The following POMT2 variants were observed in gnomAD, a reference collection of about 807,000 sequenced individuals.
POMT2 encodes protein O-mannosyl-transferase 2.
A neutral mutation model predicts 100.0 loss-of-function variants in POMT2; 75 were observed. The observed-to-expected ratio is 0.75, with a 90% CI of 0.62 to 0.91. The LOEUF (loss-of-function observed/expected upper bound fraction) is 0.91, where lower values mean the gene tolerates loss of function less well. Among genes scored for constraint, POMT2 ranks in the 40% least tolerant of loss-of-function variants. The probability of loss-of-function intolerance (pLI) is 0.00; values close to 1 mark genes in which losing one functional copy is unlikely to be tolerated. For synonymous variants in POMT2, 378 were observed against 374.1 expected (o/e 1.01, Z -0.12); for missense variants, 940 against 955.1 (o/e 0.98, Z 0.21).
At chr14:77,310,553 G>A (rs1891401452) in intron 2 of POMT2, among the ~76,000 whole-genome samples, 1 of 152,004 alleles carries the variant, frequency 6.6e-6, no homozygotes, top group Non-Finnish European at 1.5e-5. Context: ...GTTCTACCTC[G>A]CTTCCCATCC....
chr14:77,302,788 G>C, intron 5 of POMT2, 47 bp downstream of exon 5: 1 of 1,526,874 alleles, frequency 6.5e-7, no homozygotes, highest in Non-Finnish European at 9.0e-7. Context: ...AAATTTTGGA[G>C]TTGCCACAGC....
In POMT2 at chr14:77,312,273, T is replaced by C. The variant is rs143480280; in HGVS notation, c.249-240A>G. 213 of 491,518 alleles carry C rather than the reference T, an allele frequency of 4.3e-4. 1 individual carries two copies. The highest frequency in any genetic ancestry group is 3.3e-3 in the African/African-American group (171 of 51,096). The allele number at this position is 491,518 out of a possible 1,614,324, so 30.4% of individuals were successfully genotyped here. ...CAAATATTCACTAGCCAGTTACCAA[T>C]TGAGTTAAATATACATATACTTACT... is the stretch of plus-strand genomic sequence containing the variant. On this transcript the variant is annotated intron_variant, in intron 1 of 20. Coordinates refer to ENST00000261534, the MANE Select transcript of POMT2 (RefSeq NM_013382.7).
At chr14:77,304,467 T>A (rs1256025960) in intron 4 of POMT2, among the ~76,000 whole-genome samples, 1 of 152,224 alleles carries the variant, frequency 6.6e-6, no homozygotes, top group Non-Finnish European at 1.5e-5. Context: ...TCCTTGGGAT[T>A]ACCCACGCCG....
chr14:77,278,053 C>T (rs1044067510), intron 20 of POMT2, among the ~76,000 whole-genome samples: 16 of 152,236 alleles, frequency 1.1e-4, no homozygotes, highest in Admixed American at 3.3e-4. Flanking sequence ...AGAGGGGTTC[C>T]CTGCCCCCCA....
intron 3 of POMT2, among the ~76,000 whole-genome samples, chr14:77,305,654 T>G (rs1254871271): frequency 1.3e-5 from 2 of 152,226 alleles, no homozygotes; most frequent in Admixed American, 6.5e-5. Context: ...GGCTTGTAAA[T>G]GCAAACTTCT....
At chr14:77,298,617 T>G in intron 8 of POMT2, 72 bp downstream of exon 8, 1 of 1,516,634 alleles carries the variant, frequency 6.6e-7, no homozygotes. Context: ...AGCCATCATA[T>G]TTGTCTTTTC....
intron 13 of POMT2, 187 bp downstream of exon 13, chr14:77,285,294 A>AC: frequency 1.2e-6 from 1 of 805,672 alleles, no homozygotes; most frequent in Non-Finnish European, 1.9e-6. Flanking sequence ...AGAACACATA[A>AC]AACACCGAAG....
chr14:77,308,810 A>C (rs1566660345), intron 2 of POMT2: 1 of 448,032 alleles, frequency 2.2e-6, no homozygotes, highest in African/African-American at 2.0e-5. Context: ...ATATTCTTCG[A>C]TTTTTTAGCT....
chr14:77,308,287 A>T (rs929912501), intron 2 of POMT2, among the ~76,000 whole-genome samples: 3 of 151,998 alleles, frequency 2.0e-5, no homozygotes, highest in African/African-American at 7.2e-5. Flanking sequence ...GTTCAACCTA[A>T]CTCATACAGT....
Position 77,277,037 on chromosome 14 carries a change from G to T in POMT2, c.*339C>A, listed in dbSNP as rs948100126. 1 of 322,662 alleles carries T rather than the reference G, an allele frequency of 3.1e-6. No homozygotes were observed. The highest frequency in any genetic ancestry group is 6.0e-6 in the Non-Finnish European group (1 of 167,638). The allele number at this position is 322,662 out of a possible 1,614,324, so 20.0% of individuals were successfully genotyped here. A position where few individuals can be genotyped will look rare whatever the true frequency, so the allele number is the denominator to read the frequency against. On this transcript the variant is annotated 3_prime_UTR_variant, in exon 21 of 21. Coordinates refer to ENST00000261534, the MANE Select transcript of POMT2 (RefSeq NM_013382.7). ...ATGACACTCAGCTGTCCAGTTACACGGTCTGTATTCCACAGGGATATGGAC... is the reference window on the plus strand; with the variant it reads ...ATGACACTCAGCTGTCCAGTTACACTGTCTGTATTCCACAGGGATATGGAC...
At chr14:77,299,140 GT>G (rs1890932499) in intron 7 of POMT2, among the ~76,000 whole-genome samples, 1 of 152,318 alleles carries the variant, frequency 6.6e-6, no homozygotes, top group Middle Eastern at 3.4e-3. Flanking sequence ...CGGAGTTACT[GT>G]TATTGTTACA....
At chr14:77,296,368 C>A (rs554072434) in intron 8 of POMT2, 95 bp from the exon 9 acceptor site, 14 of 852,670 alleles carry the variant, frequency 1.6e-5, no homozygotes, top group South Asian at 1.1e-4. Flanking sequence ...GGCTCACTAA[C>A]CCTCTGCGAG....
At position 77,320,742 on chromosome 14, in the gene POMT2, C is replaced by T. The variant is rs143832366; in HGVS notation, c.-61G>A. 1,359 of 1,568,644 alleles carry T rather than the reference C, an allele frequency of 8.7e-4. 11 individuals carry two copies. The African/African-American group carries it at 0.017, about 19-fold the overall frequency. ...GCACACTTTGTCTGACCAGCCGCCC[C>T]GCCAAGGAGTCACAAGAGGGCAGCT... On this transcript the variant is annotated 5_prime_UTR_variant, in exon 1 of 21. Transcript: ENST00000261534.
rs187535547 is a variant in POMT2 at position 77,295,802 on chromosome 14, G to A, written c.1116+362C>T. 2.2e-3 allele frequency among the ~76,000 whole-genome samples: 337 copies of A among 152,114 alleles called. 1 individual carries two copies. The highest frequency in any genetic ancestry group is 4.0e-3 in the Non-Finnish European group (274 of 68,006). On this transcript the variant is annotated intron_variant, in intron 9 of 20. Coordinates refer to ENST00000261534, the MANE Select transcript of POMT2 (RefSeq NM_013382.7). ...CATCACCCATCCCATAGCAGGCACC[G>A]TGCTAGGCAATTGAGCCTTCCAGGA...
Position 77,320,614 on chromosome 14 carries a change from G to A in POMT2, c.68C>T (p.Pro23Leu). ...ELRPRRGRCG[P>L]QAARAAGRDV... ...CCGGCCTGCGGCCCTAGCAGCCTGG[G>A]GGCCACAGCGGCCCCTCCGGGGACG... Residue 23 changes from proline (P) to leucine (L), a missense_variant, in exon 1 of 21, where the codon CCC becomes CTC. Pro to Leu is a moderately conservative substitution (Grantham distance 98). Coordinates refer to ENST00000261534, the MANE Select transcript of POMT2 (RefSeq NM_013382.7). 2 of 1,589,302 alleles carry A rather than the reference G, an allele frequency of 1.3e-6. No individual in the cohort carries two copies. Among genetic ancestry groups the A allele is most frequent in the Non-Finnish European group, 8.5e-7 (1 of 1,175,672 alleles).
intron 1 of POMT2, among the ~76,000 whole-genome samples, chr14:77,313,119 A>G (rs1317903568): frequency 6.6e-6 from 1 of 152,144 alleles, no homozygotes; most frequent in Admixed American, 6.5e-5. Flanking sequence ...GGCCTTTTCT[A>G]TTTGTAATTT....
chr14:77,320,749 G>T lies in POMT2; in HGVS notation c.-68C>A. The T allele has an allele frequency of 6.4e-7, 1 of 1,559,720 alleles. No individual in the cohort carries two copies. The highest frequency in any genetic ancestry group is 8.6e-7 in the Non-Finnish European group (1 of 1,162,504). On this transcript the variant is annotated 5_prime_UTR_variant, in exon 1 of 21. Coordinates refer to ENST00000261534, the MANE Select transcript of POMT2 (RefSeq NM_013382.7). The stretch of plus-strand genomic sequence containing the variant: ...TTGTCTGACCAGCCGCCCCGCCAAG[G>T]AGTCACAAGAGGGCAGCTCGGGGTA...
At chr14:77,287,955 C>T (rs1256025597) in intron 11 of POMT2, 1 of 152,256 alleles carries the variant, frequency 6.6e-6, no homozygotes, top group Non-Finnish European at 1.5e-5. Flanking sequence ...ACCACCCAAC[C>T]CCCAACACTT....
intron 2 of POMT2, among the ~76,000 whole-genome samples, chr14:77,310,134 C>T (rs989211133): frequency 6.6e-6 from 1 of 152,216 alleles, no homozygotes; most frequent in Non-Finnish European, 1.5e-5. Flanking sequence ...GGTTCCCAGG[C>T]GAGCTCCATG....
Sources: gnomAD v4.1 joint callset for allele counts (sites outside exome capture counted in the v4.1 genomes callset) on GRCh38, gnomAD v4.1.1 for gene constraint, MANE v1.5 for transcripts, NCBI Gene and HGNC (gene_info 2026-07-23, HGNC 2026-07-21) for gene names.